Variants in EDEM2 observed in about 807,000 individuals in gnomAD.
EDEM2 encodes ER degradation-enhancing alpha-mannosidase-like protein 2.
EDEM2 carries 39 observed loss-of-function variants against 64.8 expected under a neutral mutation model. The observed-to-expected ratio is 0.60, with a 90% CI of 0.47 to 0.79. The LOEUF (loss-of-function observed/expected upper bound fraction) is 0.79, where lower values mean the gene tolerates loss of function less well. Among genes scored for constraint, EDEM2 ranks in the 30% least tolerant of loss-of-function variants. The probability of loss-of-function intolerance (pLI) is 0.00; values close to 1 mark genes in which losing one functional copy is unlikely to be tolerated. For synonymous variants in EDEM2, 296 were observed against 291.5 expected (o/e 1.02, Z -0.16); for missense variants, 609 against 731.3 (o/e 0.83, Z 1.93).
At chr20:35,145,146 T>A in intron 2 of EDEM2, 128 bp from the exon 3 acceptor site, 1 of 898,412 alleles carries the variant, frequency 1.1e-6, no homozygotes, top group Non-Finnish European at 1.7e-6. Context: ...CCACTTACAG[T>A]CACAACAGAG....
chr20:35,135,470 G>A (rs1310477856), intron 5 of EDEM2, among the ~76,000 whole-genome samples: 1 of 152,180 alleles, frequency 6.6e-6, no homozygotes, highest in African/African-American at 2.4e-5. Flanking sequence ...GGCCAACATG[G>A]TGAAACCCTA....
intron 6 of EDEM2, 73 bp downstream of exon 6, chr20:35,134,665 A>G (rs550084482): frequency 4.5e-6 from 7 of 1,555,150 alleles, no homozygotes; most frequent in African/African-American, 4.1e-5. Context: ...CCTTGGCTTG[A>G]CTGCAACTTA....
intron 3 of EDEM2, 28 bp from the exon 4 acceptor site, chr20:35,142,506 G>T (rs2085670740): frequency 1.3e-6 from 2 of 1,556,266 alleles, no homozygotes; most frequent in Middle Eastern, 1.7e-4. Flanking sequence ...ACCTGACAAT[G>T]AGGCTCTTAC....
chr20:35,129,972 G>A (rs981813017), intron 7 of EDEM2, among the ~76,000 whole-genome samples: 3 of 152,252 alleles, frequency 2.0e-5, no homozygotes, highest in South Asian at 4.1e-4. Flanking sequence ...ATCACCTAAC[G>A]ATGCAATTCT....
chr20:35,127,044 G>A (rs2085443238), intron 7 of EDEM2, among the ~76,000 whole-genome samples: 1 of 152,148 alleles, frequency 6.6e-6, no homozygotes, highest in Non-Finnish European at 1.5e-5. Flanking sequence ...AATCATGGGG[G>A]CCGTTTCCCC....
chr20:35,146,900 T>C lies in EDEM2; in HGVS notation c.143A>G (p.Asp48Gly). The C allele has an allele frequency of 1.2e-6, 2 of 1,614,062 alleles. No individual in the cohort carries two copies. The highest frequency in any genetic ancestry group is 1.7e-6 in the Non-Finnish European group (2 of 1,179,998). The change falls in exon 2 of 11, where the codon GAC (aspartate) becomes GGC (glycine). Residue 48 changes from aspartate (D) to glycine (G), a missense_variant. Physicochemically the swap from Asp to Gly is moderately conservative, Grantham distance 94 (BLOSUM62 -1). Transcript: ENST00000374492. ...RVKAMFYHAY[D>G]SYLENAFPFD... ...GGGAAAGGCATTCTCCAGGTAGCTG[T>C]CGTAGGCGTGGTAGAACATGGCCTT...
intron 9 of EDEM2, among the ~76,000 whole-genome samples, chr20:35,122,614 T>A (rs2085383014): frequency 6.6e-6 from 1 of 152,222 alleles, no homozygotes; most frequent in African/African-American, 2.4e-5. Flanking sequence ...CTTCAGGTGA[T>A]CCACCTGCCT....
chr20:35,142,168 C>A (rs962747813), intron 4 of EDEM2, among the ~76,000 whole-genome samples: 2 of 152,176 alleles, frequency 1.3e-5, no homozygotes, highest in African/African-American at 4.8e-5. Flanking sequence ...TAGTCTCCTG[C>A]TCACTTTCAT....
intron 8 of EDEM2, 106 bp from the exon 9 acceptor site, chr20:35,124,140 A>T: frequency 7.2e-7 from 1 of 1,397,456 alleles, no homozygotes; most frequent in South Asian, 1.3e-5. Context: ...AAGGCCTTGA[A>T]TCAATCCCTG....
intron 6 of EDEM2, among the ~76,000 whole-genome samples, chr20:35,132,957 T>G (rs2085526005): frequency 6.6e-6 from 1 of 152,202 alleles, no homozygotes; most frequent in Admixed American, 6.5e-5. Flanking sequence ...CACAACCTCA[T>G]TCTGCCTGAA....
intron 7 of EDEM2, among the ~76,000 whole-genome samples, chr20:35,131,419 T>TG (rs1283567934): frequency 2.6e-5 from 4 of 152,034 alleles, no homozygotes; most frequent in African/African-American, 9.7e-5. Context: ...GATGTGATGG[T>TG]GTGCGCCTGT....
At chr20:35,134,417 C>G (rs939185621) in intron 6 of EDEM2, among the ~76,000 whole-genome samples, 1 of 152,062 alleles carries the variant, frequency 6.6e-6, no homozygotes, top group Non-Finnish European at 1.5e-5. Flanking sequence ...AAAATGAAGG[C>G]CGGACGAGCT....
intron 7 of EDEM2, among the ~76,000 whole-genome samples, chr20:35,128,311 A>G (rs2085463553): frequency 7.1e-6 from 1 of 141,116 alleles, no homozygotes; most frequent in African/African-American, 2.8e-5. Flanking sequence ...TGAATCCGGG[A>G]GGTGGAGTTT....
chr20:35,139,934 A>G (rs977781449), intron 4 of EDEM2, among the ~76,000 whole-genome samples: 3 of 152,148 alleles, frequency 2.0e-5, no homozygotes, highest in Admixed American at 2.0e-4. Flanking sequence ...ACATTGACAG[A>G]TTACTTCTTA....
At chr20:35,135,044 CCT>C in intron 5 of EDEM2, 95 bp from the exon 6 acceptor site, 1 of 1,202,808 alleles carries the variant, frequency 8.3e-7, no homozygotes, top group Non-Finnish European at 1.2e-6. Context: ...CCAGCACTTC[CCT>C]CTTTCTCCTG....
rs1440869191 is a variant in EDEM2, at chr20:35,115,807, C to T, written c.1363G>A (p.Asp455Asn). 1.7e-5 allele frequency: 27 copies of T among 1,613,668 alleles called. No individual in the cohort carries two copies. The highest frequency in any genetic ancestry group is 2.7e-5 in the African/African-American group (2 of 74,564). Residue 455 changes from aspartate (D) to asparagine (N), a missense_variant, in exon 11 of 11, where the codon GAC becomes AAC. Asp to Asn is a conservative substitution (Grantham distance 23). Coordinates refer to ENST00000374492, the MANE Select transcript of EDEM2 (RefSeq NM_018217.3). ...TCCCCATAGGGGGTGATCACCGCGT[C>T]GAAGGTGGACCCATTGTTGTGGATG... ...NFIHNNGSTF[D>N]AVITPYGECI...
At chr20:35,139,099 A>T (rs1341140266) in intron 4 of EDEM2, among the ~76,000 whole-genome samples, 1 of 152,060 alleles carries the variant, frequency 6.6e-6, no homozygotes, top group African/African-American at 2.4e-5. Flanking sequence ...CACATCTGTA[A>T]TCCCAGCACT....
intron 3 of EDEM2, among the ~76,000 whole-genome samples, chr20:35,143,420 G>C (rs1448019280): frequency 1.3e-5 from 2 of 152,176 alleles, no homozygotes; most frequent in African/African-American, 4.8e-5. Context: ...CTAAGCATTA[G>C]AATAAAAGCC....
chr20:35,144,485 C>A (rs377696661), intron 3 of EDEM2, among the ~76,000 whole-genome samples: 1 of 152,208 alleles, frequency 6.6e-6, no homozygotes, highest in East Asian at 1.9e-4. Context: ...AGACATGTGC[C>A]ACTATGCTGG....
Sources: gnomAD v4.1 joint callset for allele counts (sites outside exome capture counted in the v4.1 genomes callset) on GRCh38, gnomAD v4.1.1 for gene constraint, MANE v1.5 for transcripts, NCBI Gene and HGNC (gene_info 2026-07-23, HGNC 2026-07-21) for gene names.